Variants in LYZL4 observed in about 807,000 individuals in gnomAD.
LYZL4 encodes the protein lysozyme-like protein 4.
Under a neutral mutation model 17.6 loss-of-function variants are expected in LYZL4, and 13 were observed. The ratio of observed to expected loss-of-function variants is 0.74; its 90% CI spans 0.48 to 1.18. The LOEUF (loss-of-function observed/expected upper bound fraction) is 1.18. LYZL4 is among the 50% of genes most tolerant of loss of function. The pLI, the probability that LYZL4 is intolerant of heterozygous loss-of-function variation, is 0.00. For missense variants in LYZL4, 174 were observed against 188.2 expected (o/e 0.92, Z 0.44); for synonymous variants, 64 against 67.7 (o/e 0.95, Z 0.27).
chr3:42,390,960 A>G, the LYZL4 span, among the ~76,000 whole-genome samples: 1 of 152,220 alleles, frequency 6.6e-6, no homozygotes, highest in Non-Finnish European at 1.5e-5. Flanking sequence ...GGCTGGCCAC[A>G]TAGCTACAGC....
At chr3:42,379,720 C>T in the LYZL4 span, among the ~76,000 whole-genome samples, 16 of 152,172 alleles carry the variant, frequency 1.1e-4, no homozygotes, top group Non-Finnish European at 2.1e-4. Flanking sequence ...CCAAACTCCT[C>T]AAAAAGACAA....
At chr3:42,376,422 G>A in the LYZL4 span, among the ~76,000 whole-genome samples, 1 of 152,172 alleles carries the variant, frequency 6.6e-6, no homozygotes, top group African/African-American at 2.4e-5. Context: ...GGATAACATG[G>A]CTTCCCAAGA....
At chr3:42,368,808 T>TA in the LYZL4 span, among the ~76,000 whole-genome samples, 2 of 152,208 alleles carry the variant, frequency 1.3e-5, no homozygotes, top group Non-Finnish European at 2.9e-5. Context: ...TATTATCATT[T>TA]AAAAAAATAC....
At chr3:42,372,914 T>G in the LYZL4 span, among the ~76,000 whole-genome samples, 4 of 152,046 alleles carry the variant, frequency 2.6e-5, no homozygotes, top group African/African-American at 7.2e-5. Flanking sequence ...TGGGCTAGAA[T>G]TAGGATGCAT....
At chr3:42,379,454 G>A in the LYZL4 span, among the ~76,000 whole-genome samples, 2 of 152,186 alleles carry the variant, frequency 1.3e-5, no homozygotes, top group East Asian at 3.9e-4. Flanking sequence ...CTGGGGAGGG[G>A]CATTGACCTT....
At chr3:42,407,377 C>T in intron 1 of LYZL4, 34 bp from the exon 2 acceptor site, 1 of 1,296,934 alleles carries the variant, frequency 7.7e-7, no homozygotes, top group East Asian at 2.4e-5. Flanking sequence ...AGTTCAGTGT[C>T]ATCAGAAAAA....
the LYZL4 span, among the ~76,000 whole-genome samples, chr3:42,387,888 C>T: frequency 6.6e-6 from 1 of 152,280 alleles, no homozygotes; most frequent in Non-Finnish European, 1.5e-5. Flanking sequence ...CTCTCCACAA[C>T]TGATTGTTGG....
At chr3:42,372,472 G>A in the LYZL4 span, among the ~76,000 whole-genome samples, 1 of 152,254 alleles carries the variant, frequency 6.6e-6, no homozygotes, top group Non-Finnish European at 1.5e-5. Context: ...ACACCAGTAT[G>A]ACAGTGGGGA....
At chr3:42,386,402 C>G in the LYZL4 span, among the ~76,000 whole-genome samples, 28 of 62,010 alleles carry the variant, frequency 4.5e-4, no homozygotes, top group East Asian at 2.8e-3. Flanking sequence ...CACGCCCCCC[C>G]CCCCCCCCCC....
intron 4 of LYZL4, among the ~76,000 whole-genome samples, chr3:42,400,326 C>T (rs1307875678): frequency 6.6e-6 from 1 of 152,162 alleles, no homozygotes; most frequent in Non-Finnish European, 1.5e-5. Context: ...TCTGTGTCAC[C>T]CATCCCCATC....
intron 3 of LYZL4, among the ~76,000 whole-genome samples, chr3:42,404,746 C>G (rs901931598): frequency 6.6e-6 from 1 of 152,054 alleles, no homozygotes; most frequent in African/African-American, 2.4e-5. Flanking sequence ...ATATTTCTGC[C>G]TATGAAATAT....
At chr3:42,387,586 G>T in the LYZL4 span, among the ~76,000 whole-genome samples, 7 of 151,982 alleles carry the variant, frequency 4.6e-5, no homozygotes, top group Admixed American at 6.6e-5. Flanking sequence ...CCTCATCGCC[G>T]TCCCTGCTCC....
the LYZL4 span, among the ~76,000 whole-genome samples, chr3:42,370,723 C>T: frequency 3.0e-4 from 46 of 152,346 alleles, 1 homozygote; most frequent in Middle Eastern, 3.4e-3. Context: ...GTCAGCTTTT[C>T]TTTCAAATCT....
At chr3:42,388,526 G>T in the LYZL4 span, among the ~76,000 whole-genome samples, 1 of 152,316 alleles carries the variant, frequency 6.6e-6, no homozygotes, top group African/African-American at 2.4e-5. Flanking sequence ...AAGTTAAACA[G>T]GATGTGCAGA....
chr3:42,368,850 GTTA>G, the LYZL4 span, among the ~76,000 whole-genome samples: 5 of 152,042 alleles, frequency 3.3e-5, no homozygotes, highest in African/African-American at 1.2e-4. Flanking sequence ...ATGTGTTCTC[GTTA>G]TTGTTTTAAT....
the LYZL4 span, among the ~76,000 whole-genome samples, chr3:42,367,606 G>A: frequency 6.6e-6 from 1 of 151,638 alleles, no homozygotes; most frequent in Admixed American, 6.6e-5. Context: ...CAAAGGCTGG[G>A]ATGCCTGTAG....
the LYZL4 span, among the ~76,000 whole-genome samples, chr3:42,366,617 G>A: frequency 6.6e-6 from 1 of 152,116 alleles, no homozygotes; most frequent in African/African-American, 2.4e-5. Context: ...TCCTTTCTCT[G>A]TCTCTTCTCC....
chr3:42,366,897 C>A, the LYZL4 span, among the ~76,000 whole-genome samples: 1 of 152,222 alleles, frequency 6.6e-6, no homozygotes, highest in African/African-American at 2.4e-5. Context: ...CTGTGTCTGT[C>A]TCCCCATGAG....
chr3:42,364,341 CTTT>C, the LYZL4 span, among the ~76,000 whole-genome samples: 2 of 119,884 alleles, frequency 1.7e-5, no homozygotes, highest in Non-Finnish European at 3.3e-5. Context: ...TTTTTCTTTT[CTTT>C]TTTTTTTTTT....
Sources: gnomAD v4.1 joint callset for allele counts (sites outside exome capture counted in the v4.1 genomes callset) on GRCh38, gnomAD v4.1.1 for gene constraint, MANE v1.5 for transcripts, NCBI Gene and HGNC (gene_info 2026-07-23, HGNC 2026-07-21) for gene names.